SLC5A4: variants seen among roughly 807,000 people sequenced by gnomAD.
SLC5A4 encodes the protein probable glucose sensor protein SLC5A4.
A neutral mutation model predicts 70.3 loss-of-function variants in SLC5A4; 55 were observed. The ratio of observed to expected loss-of-function variants is 0.78; its 90% CI spans 0.63 to 0.98. SLC5A4 has a LOEUF of 0.98. SLC5A4 is among the 50% of genes least tolerant of loss of function. The probability of loss-of-function intolerance (pLI) is 0.00; values close to 1 mark genes in which losing one functional copy is unlikely to be tolerated. For synonymous variants in SLC5A4, 268 were observed against 305.7 expected (o/e 0.88, Z 1.29); for missense variants, 735 against 839.2 (o/e 0.88, Z 1.53).
At chr22:32,306,888 G>A in the SLC5A4 span, among the ~76,000 whole-genome samples, 2 of 145,180 alleles carry the variant, frequency 1.4e-5, no homozygotes, top group African/African-American at 5.1e-5. Flanking sequence ...ATGAGAAACT[G>A]ACATGCAATT....
chr22:32,302,641 G>A, the SLC5A4 span, among the ~76,000 whole-genome samples: 1 of 152,210 alleles, frequency 6.6e-6, no homozygotes, highest in South Asian at 2.1e-4. Context: ...AAATATGTGT[G>A]GGTCTATTTA....
At chr22:32,290,439 G>A in the SLC5A4 span, among the ~76,000 whole-genome samples, 4 of 151,958 alleles carry the variant, frequency 2.6e-5, no homozygotes, top group African/African-American at 7.3e-5. Context: ...ATTTGGTTAT[G>A]GATTCAATTG....
chr22:32,343,783 T>C, the SLC5A4 span, among the ~76,000 whole-genome samples: 7 of 152,194 alleles, frequency 4.6e-5, no homozygotes, highest in South Asian at 1.5e-3. Flanking sequence ...TCATGCAAAA[T>C]AAAACAATGC....
At chr22:32,259,184 A>G (rs181500582), upstream of SLC5A4, among the ~76,000 whole-genome samples, 5 of 152,366 alleles carry the variant, frequency 3.3e-5, no homozygotes, top group East Asian at 9.6e-4. Context: ...ACTGTTTTGT[A>G]CACTGAAAAA....
At chr22:32,270,455 C>T in the SLC5A4 span, 364 of 1,087,660 alleles carry the variant, frequency 3.3e-4, 4 homozygotes, top group Middle Eastern at 4.4e-3. Context: ...AAAGAGAATC[C>T]CAAGGGGGAG....
chr22:32,245,293 T>C (rs1926754504), intron 5 of SLC5A4, among the ~76,000 whole-genome samples: 1 of 152,192 alleles, frequency 6.6e-6, no homozygotes, highest in Non-Finnish European at 1.5e-5. Flanking sequence ...CAGGCAAGAA[T>C]GGACTCCTGC....
At chr22:32,255,600 C>A (rs1394181554), upstream of SLC5A4, among the ~76,000 whole-genome samples, 1 of 151,898 alleles carries the variant, frequency 6.6e-6, no homozygotes. Context: ...AAGACAGGGT[C>A]TTTAAAGAGA....
chr22:32,340,433 A>G, the SLC5A4 span, among the ~76,000 whole-genome samples: 1 of 152,176 alleles, frequency 6.6e-6, no homozygotes, highest in Non-Finnish European at 1.5e-5. Context: ...AGCACAAGAA[A>G]CACCAATCCC....
intron 4 of SLC5A4, among the ~76,000 whole-genome samples, chr22:32,247,849 G>A (rs62239059): frequency 0.01 from 1,566 of 152,314 alleles, 9 homozygotes; most frequent in South Asian, 0.027. Context: ...CATAAGTGAA[G>A]TCATCATTCT....
intron 1 of SLC5A4, 61 bp downstream of exon 1, chr22:32,255,134 C>T (rs1467348352): frequency 5.3e-6 from 8 of 1,501,760 alleles, no homozygotes; most frequent in African/African-American, 1.4e-5. Context: ...CCCCTTCCCC[C>T]CTTAAGATAC....
intron 5 of SLC5A4, among the ~76,000 whole-genome samples, chr22:32,240,397 A>G (rs1207922391): frequency 1.3e-5 from 2 of 152,122 alleles, no homozygotes; most frequent in Non-Finnish European, 2.9e-5. Flanking sequence ...ATTAACATGA[A>G]TAATTCAGGA....
chr22:32,305,531 C>T, the SLC5A4 span, among the ~76,000 whole-genome samples: 2 of 148,812 alleles, frequency 1.3e-5, no homozygotes, highest in African/African-American at 5.0e-5. Flanking sequence ...TCCCCATCAT[C>T]AGATTTCAGG....
chr22:32,339,040 G>A, the SLC5A4 span, among the ~76,000 whole-genome samples: 5 of 152,214 alleles, frequency 3.3e-5, no homozygotes, highest in South Asian at 2.1e-4. Context: ...CATGGAATCC[G>A]GACAACTCGG....
chr22:32,326,371 C>T, the SLC5A4 span, among the ~76,000 whole-genome samples: 4 of 151,844 alleles, frequency 2.6e-5, no homozygotes, highest in Non-Finnish European at 5.9e-5. Flanking sequence ...ATTCTCCTGC[C>T]TCAGCCTCCC....
At chr22:32,315,814 AAG>A in the SLC5A4 span, among the ~76,000 whole-genome samples, 8,874 of 61,406 alleles carry the variant, frequency 0.14, 485 homozygotes, top group East Asian at 0.32. Flanking sequence ...AAAAAAAAAA[AAG>A]AGACTGGATC....
At chr22:32,261,027 C>T in the SLC5A4 span, among the ~76,000 whole-genome samples, 5 of 151,264 alleles carry the variant, frequency 3.3e-5, no homozygotes, top group Admixed American at 2.6e-4. Context: ...GAGCTGAGAT[C>T]GTGCCATTGC....
chr22:32,293,985 T>C, the SLC5A4 span, among the ~76,000 whole-genome samples: 1 of 152,292 alleles, frequency 6.6e-6, no homozygotes, highest in South Asian at 2.1e-4. Context: ...AGTCTAATTG[T>C]GCTTCCTTGA....
At chr22:32,326,272 T>A in the SLC5A4 span, among the ~76,000 whole-genome samples, 1 of 135,562 alleles carries the variant, frequency 7.4e-6, no homozygotes, top group African/African-American at 3.0e-5. Context: ...CTTCACGTAT[T>A]TTTTTTTTTT....
the SLC5A4 span, among the ~76,000 whole-genome samples, chr22:32,305,656 CTG>C: frequency 1.5e-5 from 2 of 133,034 alleles, no homozygotes; most frequent in Non-Finnish European, 3.2e-5. Context: ...CCAGAATCAA[CTG>C]TGTTCAGCGT....
Sources: gnomAD v4.1 joint callset for allele counts (sites outside exome capture counted in the v4.1 genomes callset) on GRCh38, gnomAD v4.1.1 for gene constraint, MANE v1.5 for transcripts, NCBI Gene and HGNC (gene_info 2026-07-23, HGNC 2026-07-21) for gene names.